The following GNG7 variants were observed in gnomAD, a reference collection of about 807,000 sequenced individuals.
The protein encoded by GNG7 is guanine nucleotide-binding protein G(I)/G(S)/G(O) subunit gamma-7.
In GNG7, 1 loss-of-function variant was observed where a neutral mutation model predicts 4.0. The observed-to-expected ratio is 0.25, with a 90% confidence interval of 0.09 to 1.18. The LOEUF is 1.18. GNG7 is among the 50% of genes most tolerant of loss of function. The pLI is 0.50. For synonymous variants in GNG7, 34 were observed against 36.9 expected, an observed-to-expected ratio of 0.92 and a Z score of 0.29; for missense variants, 86 against 91.9, an observed-to-expected ratio of 0.94 and a Z score of 0.26.
intron 4 of GNG7, among the ~76,000 whole-genome samples, chr19:2,519,339 A>C (rs1978296504): frequency 6.7e-6 from 1 of 149,176 alleles, no homozygotes; most frequent in South Asian, 2.1e-4. Context: ...TATTTTTAGG[A>C]GAGACGGGGT....
intron 1 of GNG7, among the ~76,000 whole-genome samples, chr19:2,658,286 G>A (rs1983048361): frequency 6.6e-6 from 1 of 151,906 alleles, no homozygotes; most frequent in African/African-American, 2.4e-5. Flanking sequence ...TTCTGCAAAG[G>A]GACAAAAAGT....
At chr19:2,636,637 G>A (rs1395797944) in intron 2 of GNG7, among the ~76,000 whole-genome samples, 1 of 152,138 alleles carries the variant, frequency 6.6e-6, no homozygotes, top group Non-Finnish European at 1.5e-5. Context: ...AGTGCCTCCC[G>A]CCTCCTGCCA....
intron 3 of GNG7, among the ~76,000 whole-genome samples, chr19:2,553,383 C>CATATATATATAT (rs200287140): frequency 0.011 from 1,377 of 127,544 alleles, 18 homozygotes; most frequent in East Asian, 0.042. Flanking sequence ...TGGTGCTGAG[C>CATATATATATAT]ATATATATAT....
At chr19:2,652,619 C>G (rs151102301) in intron 1 of GNG7, among the ~76,000 whole-genome samples, 1 of 151,964 alleles carries the variant, frequency 6.6e-6, no homozygotes, top group African/African-American at 2.4e-5. Flanking sequence ...GACTCCATCT[C>G]AAAACAAACA....
At chr19:2,645,243 C>CTTTTTT (rs10674864) in intron 2 of GNG7, among the ~76,000 whole-genome samples, 1 of 135,520 alleles carries the variant, frequency 7.4e-6, no homozygotes. Flanking sequence ...CTCTCTCTCT[C>CTTTTTT]TTTTTTTTTT....
intron 1 of GNG7, among the ~76,000 whole-genome samples, chr19:2,679,211 G>A (rs1983669385): frequency 6.6e-6 from 1 of 151,874 alleles, no homozygotes; most frequent in Non-Finnish European, 1.5e-5. Context: ...CACCATATCT[G>A]GCTAATTTTT....
intron 2 of GNG7, among the ~76,000 whole-genome samples, chr19:2,569,056 C>T (rs140679985): frequency 3.1e-4 from 47 of 152,004 alleles, no homozygotes; most frequent in African/African-American, 9.4e-4. Flanking sequence ...TACACAGAAG[C>T]GCACACACAT....
rs1192643905 is a variant in GNG7 at position 2,634,245 on chromosome 19, G to C, written c.-78+11979C>G. ...CCCCCTCAGCACTGTGGACATTTGA[G>C]GCCCGATTGTTCTCTGGGGTGGGGC... On this transcript the variant is annotated intron_variant, in intron 2 of 4. Transcript: ENST00000382159. The surrounding 1 kb of genome is among the most constrained non-coding windows in gnomAD (Gnocchi z 5.3). 1.3e-5 allele frequency among the ~76,000 whole-genome samples: 2 copies of C among 152,200 alleles called. No homozygotes were observed. The highest frequency in any genetic ancestry group is 3.9e-4 in the East Asian group (2 of 5,194).
chr19:2,606,256 G>A (rs144557461), intron 2 of GNG7, among the ~76,000 whole-genome samples: 6,697 of 152,120 alleles, frequency 0.044, 503 homozygotes, highest in African/African-American at 0.15. Context: ...GTGTGCACCT[G>A]TAGTCCTTGG....
intron 3 of GNG7, among the ~76,000 whole-genome samples, chr19:2,543,252 GCT>G (rs967180836): frequency 7.2e-6 from 1 of 138,240 alleles, no homozygotes; most frequent in African/African-American, 2.8e-5. Context: ...ACAGGGTCTT[GCT>G]CTGTCACCCA....
chr19:2,623,411 A>G (rs1160220160), intron 2 of GNG7, among the ~76,000 whole-genome samples: 3 of 152,060 alleles, frequency 2.0e-5, no homozygotes, highest in Non-Finnish European at 4.4e-5. Flanking sequence ...TGTTCACAGC[A>G]CCCAAAAGGT....
rs563075516 is a variant in GNG7 at position 2,539,454 on chromosome 19, G to A, written c.-38+15695C>T. Among the ~76,000 whole-genome samples the A allele has an allele frequency of 5.3e-5, 8 of 151,844 alleles. No homozygotes were observed. In the South Asian group the frequency reaches 1.0e-3, roughly 20 times the overall value. The stretch of plus-strand genomic sequence containing the variant: ...CGAGCAGCTGGGATTACAGGTGTCC[G>A]CCACCACGCCTGGCTAATTTTTGTA... On this transcript the variant is annotated intron_variant, in intron 3 of 4. Transcript: ENST00000382159.
chr19:2,638,788 C>T (rs935476332), intron 2 of GNG7, among the ~76,000 whole-genome samples: 7 of 152,118 alleles, frequency 4.6e-5, no homozygotes, highest in African/African-American at 1.7e-4. Flanking sequence ...ACCCCTGCTT[C>T]CTCCGTGAGC....
chr19:2,522,116 T>C (rs1978312073), intron 3 of GNG7, among the ~76,000 whole-genome samples: 1 of 152,084 alleles, frequency 6.6e-6, no homozygotes, highest in Admixed American at 6.5e-5. Context: ...CTGTCATGAC[T>C]TGGGGGTGCT....
At chr19:2,550,165 C>T (rs1979270164) in intron 3 of GNG7, among the ~76,000 whole-genome samples, 3 of 152,150 alleles carry the variant, frequency 2.0e-5, no homozygotes, top group South Asian at 2.1e-4. Context: ...GGGTAGAATG[C>T]AGCAGAAGGA....
intron 2 of GNG7, among the ~76,000 whole-genome samples, chr19:2,581,331 G>C (rs1168095539): frequency 7.1e-6 from 1 of 140,544 alleles, no homozygotes; most frequent in African/African-American, 2.6e-5. Flanking sequence ...TGATGGGGGT[G>C]GGGGGGTGGG....
rs1981560683 is a variant in GNG7, at chr19:2,611,419, C to T, written c.-78+34805G>A. The T allele has an allele frequency of 6.6e-6, 1 of 152,250 alleles. No individual in the cohort carries two copies. Among genetic ancestry groups the T allele is most frequent in the Non-Finnish European group, 1.5e-5 (1 of 68,116 alleles). 9.4% of individuals were successfully genotyped at this position (152,250 alleles called of 1,614,324 possible). A position where few individuals can be genotyped will look rare whatever the true frequency, so the allele number is the denominator to read the frequency against. ...CCTCGCTGTCACCACTGAGTGAGCT[C>T]GAGGTGCCCCGTCCCAGGACCGTGG... is the stretch of plus-strand genomic sequence containing the variant. On this transcript the variant is annotated intron_variant, in intron 2 of 4. Coordinates refer to ENST00000382159, the MANE Select transcript of GNG7 (RefSeq NM_052847.3). The surrounding 1 kb of genome is among the most constrained non-coding windows in gnomAD (Gnocchi z 6.0).
At chr19:2,542,107 CTTTTTTTTTTTTT>C (rs1175526574) in intron 3 of GNG7, among the ~76,000 whole-genome samples, 29 of 64,566 alleles carry the variant, frequency 4.5e-4, no homozygotes, top group Non-Finnish European at 6.6e-4. Context: ...GCTGTGTGTT[CTTTTTTTTTTTTT>C]TTTTTTTTTT....
At chr19:2,602,909 C>CT (rs1555697062) in intron 2 of GNG7, among the ~76,000 whole-genome samples, 150 of 140,190 alleles carry the variant, frequency 1.1e-3, no homozygotes, top group Non-Finnish European at 1.9e-3. Context: ...TTCTTTCTTT[C>CT]TTTCTTTCTT....
Sources: gnomAD v4.1 joint callset for allele counts (sites outside exome capture counted in the v4.1 genomes callset) on GRCh38, gnomAD v4.1.1 for gene constraint, Gnocchi (gnomAD v3.1) non-coding constraint, MANE v1.5 for transcripts, NCBI Gene and HGNC (gene_info 2026-07-23, HGNC 2026-07-21) for gene names.